Variants in FAM13C observed in about 807,000 individuals in gnomAD.
The protein encoded by FAM13C is protein FAM13C.
In FAM13C, 37 loss-of-function variants were observed where a neutral mutation model predicts 73.2. That is an observed-to-expected ratio of 0.51 (90% CI 0.39 to 0.67). The LOEUF is 0.67. Ranked by LOEUF, FAM13C falls within the 30% of genes least tolerant of loss-of-function variation. The probability of loss-of-function intolerance (pLI) is 0.00; values close to 1 mark genes in which losing one functional copy is unlikely to be tolerated. For synonymous variants in FAM13C, 246 were observed against 260.9 expected (o/e 0.94, Z 0.55); for missense variants, 589 against 715.6 (o/e 0.82, Z 2.02).
intron 1 of FAM13C, among the ~76,000 whole-genome samples, chr10:59,358,295 T>C (rs1901179): frequency 0.083 from 12,592 of 152,210 alleles, 616 homozygotes; most frequent in Non-Finnish European, 0.11. Flanking sequence ...CGAGAACCAC[T>C]TGAACTTGGG....
At chr10:59,304,816 A>AGGGAAGGGG (rs1848039023) in intron 4 of FAM13C, among the ~76,000 whole-genome samples, 1 of 53,472 alleles carries the variant, frequency 1.9e-5, no homozygotes, top group Non-Finnish European at 3.6e-5. Context: ...AAGGGAAGGA[A>AGGGAAGGGG]AGGGGAAGGG....
intron 6 of FAM13C, among the ~76,000 whole-genome samples, chr10:59,273,853 T>A (rs1825320367): frequency 6.6e-6 from 1 of 152,150 alleles, no homozygotes; most frequent in East Asian, 1.9e-4. Flanking sequence ...AGTGGTTAAA[T>A]GAGTTAGTCA....
chr10:59,283,403 T>G lies in FAM13C; in HGVS notation c.552A>C (p.Ala184=), dbSNP rs1199157459. The G allele has an allele frequency of 4.3e-6, 7 of 1,614,106 alleles. No homozygotes were observed. The African/African-American group carries it at 9.3e-5, about 22-fold the overall frequency. Residue 184 remains alanine (A), a synonymous_variant, in exon 6 of 14, where the codon GCA becomes GCC. Coordinates refer to ENST00000618804, the MANE Select transcript of FAM13C (RefSeq NM_198215.4). ...QVHGVKDPAP[A]STQSVLADGT... is the part of the protein sequence containing the mutation. ...CATCGGCAAGCACGCTCTGGGTTGA[T>G]GCTGGCGCCGGGTCCTTGACTCCAT... is the stretch of plus-strand genomic sequence containing the variant.
At position 59,252,810 on chromosome 10, in the gene FAM13C, A is replaced by G; in HGVS notation, c.1521T>C (p.His507=). ...GGATTCATACTCACATGGTAGCCTC[A>G]TGTAAATTAGACATGGAGAGAGCTG... ...KPPALSMSNL[H]EATMPVLLDH... The change falls in exon 12 of 14, where the codon CAT becomes CAC. Residue 507 remains histidine (H), a synonymous_variant. Coordinates refer to ENST00000618804, the MANE Select transcript of FAM13C (RefSeq NM_198215.4). The G allele has an allele frequency of 6.2e-7, 1 of 1,613,810 alleles. No homozygotes were observed. Among genetic ancestry groups the G allele is most frequent in the South Asian group, 1.1e-5 (1 of 91,068 alleles).
intron 3 of FAM13C, among the ~76,000 whole-genome samples, chr10:59,344,576 C>G (rs533470752): frequency 6.6e-6 from 1 of 152,252 alleles, no homozygotes; most frequent in African/African-American, 2.4e-5. Context: ...GCCATCACGC[C>G]CGGCCTGTAA....
intron 6 of FAM13C, chr10:59,282,889 G>A (rs1845095088): frequency 6.3e-6 from 1 of 157,676 alleles, no homozygotes; most frequent in South Asian, 2.0e-4. Flanking sequence ...GCTGTCAGTG[G>A]ACCACTCACC....
At chr10:59,349,689 G>A (rs1386095168) in intron 3 of FAM13C, among the ~76,000 whole-genome samples, 1 of 152,120 alleles carries the variant, frequency 6.6e-6, no homozygotes, top group East Asian at 1.9e-4. Flanking sequence ...CTTGAGCCTG[G>A]GAGGCGGAGG....
At chr10:59,348,553 C>G (rs1854609308) in intron 3 of FAM13C, among the ~76,000 whole-genome samples, 1 of 152,226 alleles carries the variant, frequency 6.6e-6, no homozygotes, top group African/African-American at 2.4e-5. Flanking sequence ...TCATTTGAAT[C>G]TAGCTACATC....
intron 4 of FAM13C, among the ~76,000 whole-genome samples, chr10:59,317,297 C>T (rs1849658683): frequency 6.6e-6 from 1 of 152,128 alleles, no homozygotes; most frequent in African/African-American, 2.4e-5. Flanking sequence ...GCACACTGAA[C>T]ACTTAACCAG....
chr10:59,249,003 A>G (rs1443989884), intron 13 of FAM13C, among the ~76,000 whole-genome samples: 1 of 152,190 alleles, frequency 6.6e-6, no homozygotes, highest in East Asian at 1.9e-4. Context: ...TACCACCTTA[A>G]TTTGTATAAA....
intron 4 of FAM13C, among the ~76,000 whole-genome samples, chr10:59,307,991 G>T (rs184842267): frequency 9.8e-4 from 149 of 152,204 alleles, no homozygotes; most frequent in Non-Finnish European, 1.4e-3. Flanking sequence ...GATCCTTAAC[G>T]ATACTGCTTG....
In FAM13C at chr10:59,330,321, C is replaced by T. The variant is rs892347089; in HGVS notation, c.325-6215G>A. On this transcript the variant is annotated intron_variant, in intron 3 of 13. Coordinates refer to ENST00000618804, the MANE Select transcript of FAM13C (RefSeq NM_198215.4). ...GAGTTCTTTCCATTATATATTCTAA[C>T]CACCCACATTTACTATAGAACTGAG... Among the ~76,000 whole-genome samples, 5 of 152,286 alleles carry T rather than the reference C, an allele frequency of 3.3e-5. No individual in the cohort carries two copies. The East Asian group carries it at 9.7e-4, about 29-fold the overall frequency.
chr10:59,349,803 G>A lies in FAM13C; in HGVS notation c.324+2467C>T, dbSNP rs142153624. ...TAATAAGATTGAATGGACTACCAAG[G>A]AAAATTTTATGTTGGTTATTTATTT... On this transcript the variant is annotated intron_variant, in intron 3 of 13. Coordinates refer to ENST00000618804, the MANE Select transcript of FAM13C (RefSeq NM_198215.4). Among the ~76,000 whole-genome samples, 888 of 151,966 alleles carry A rather than the reference G, an allele frequency of 5.8e-3. 12 individuals carry two copies. The highest frequency in any genetic ancestry group is 0.02 in the African/African-American group (848 of 41,450).
intron 5 of FAM13C, chr10:59,283,752 A>G: frequency 1.9e-6 from 1 of 534,070 alleles, no homozygotes. Flanking sequence ...GGGACTGGTG[A>G]TTTCATCAGC....
intron 4 of FAM13C, among the ~76,000 whole-genome samples, chr10:59,308,406 C>G (rs1289273537): frequency 6.6e-6 from 1 of 151,908 alleles, no homozygotes; most frequent in Non-Finnish European, 1.5e-5. Context: ...CCACAACCAC[C>G]ACAACCACTG....
At chr10:59,265,921 C>A (rs112297150) in intron 8 of FAM13C, among the ~76,000 whole-genome samples, 7 of 152,156 alleles carry the variant, frequency 4.6e-5, no homozygotes, top group African/African-American at 1.7e-4. Flanking sequence ...TTCAAAAGAC[C>A]CCAAACGTCA....
At chr10:59,264,283 T>G (rs1447689058) in intron 8 of FAM13C, 117 bp from the exon 9 acceptor site, 11 of 677,144 alleles carry the variant, frequency 1.6e-5, no homozygotes, top group East Asian at 2.7e-5. Context: ...AAAGATAGTT[T>G]AGGAATATAT....
chr10:59,348,296 C>CATA (rs1854577198), intron 3 of FAM13C, among the ~76,000 whole-genome samples: 1 of 152,212 alleles, frequency 6.6e-6, no homozygotes, highest in Admixed American at 6.5e-5. Flanking sequence ...GTAGCTGCAA[C>CATA]ATAAGCCCAA....
chr10:59,320,504 G>T (rs1186625761), intron 4 of FAM13C, among the ~76,000 whole-genome samples: 1 of 152,168 alleles, frequency 6.6e-6, no homozygotes, highest in African/African-American at 2.4e-5. Flanking sequence ...AAAGACATTA[G>T]GACAAGGGTT....
Sources: allele counts gnomAD v4.1 joint callset (sites outside exome capture counted in the v4.1 genomes callset), GRCh38; gene constraint gnomAD v4.1.1; transcripts MANE v1.5; gene names NCBI Gene and HGNC (gene_info 2026-07-23, HGNC 2026-07-21).